The following ARHGAP39 variants were observed in gnomAD, a reference collection of about 807,000 sequenced individuals.
ARHGAP39 encodes Rho GTPase activating protein 39.
Under a neutral mutation model 106.9 loss-of-function variants are expected in ARHGAP39, and 44 were observed. The observed-to-expected ratio is 0.41, with a 90% confidence interval of 0.32 to 0.53. The LOEUF is 0.53. Ranked by LOEUF, ARHGAP39 falls within the 20% of genes least tolerant of loss-of-function variation. The probability of loss-of-function intolerance (pLI) is 0.21; values close to 1 mark genes in which losing one functional copy is unlikely to be tolerated. For synonymous variants in ARHGAP39, 768 were observed against 693.2 expected, an observed-to-expected ratio of 1.11 and a Z score of -1.69; for missense variants, 1,496 against 1,577.3, an observed-to-expected ratio of 0.95 and a Z score of 0.87.
Position 144,547,016 on chromosome 8 carries a change from G to T in ARHGAP39, c.1959+111C>A. On this transcript the variant is annotated intron_variant, in intron 5 of 11. Transcript: ENST00000377307. The surrounding 1 kb of genome is among the most constrained non-coding windows in gnomAD (Gnocchi z 5.2). ...GAGACACGGGGCTTCAGAACTCTGC[G>T]TGCTGCGTGCACGCCCTGGACGCCA... 7.6e-7 allele frequency: 1 copy of T among 1,320,892 alleles called. No homozygotes were observed. Among genetic ancestry groups the T allele is most frequent in the Non-Finnish European group, 1.0e-6 (1 of 993,420 alleles). The allele number at this position is 1,320,892 out of a possible 1,614,324, so 81.8% of individuals were successfully genotyped here.
intron 7 of ARHGAP39, 138 bp from the exon 8 acceptor site, chr8:144,534,340 G>A (rs971884395): frequency 3.5e-6 from 3 of 858,974 alleles, no homozygotes; most frequent in Non-Finnish European, 5.6e-6. Flanking sequence ...GCCCAGCACA[G>A]CGGGTCCTCA....
intron 7 of ARHGAP39, among the ~76,000 whole-genome samples, chr8:144,537,016 G>A (rs1399400707): frequency 1.3e-5 from 2 of 152,202 alleles, no homozygotes; most frequent in African/African-American, 2.4e-5. Flanking sequence ...TGCAGGGGTC[G>A]GGAGGACGGC....
At chr8:144,606,999 A>C (rs1820315501) in intron 1 of ARHGAP39, among the ~76,000 whole-genome samples, 1 of 147,512 alleles carries the variant, frequency 6.8e-6, no homozygotes, top group African/African-American at 2.5e-5. Flanking sequence ...CTATTAAGCA[A>C]AAAAAAAAAA....
intron 5 of ARHGAP39, among the ~76,000 whole-genome samples, chr8:144,546,869 C>T (rs1817446778): frequency 6.6e-6 from 1 of 152,202 alleles, no homozygotes; most frequent in South Asian, 2.1e-4. Flanking sequence ...GCCTCCAGCT[C>T]CCAGGTGCCC....
chr8:144,623,624 C>T (rs1356893099), intron 1 of ARHGAP39, among the ~76,000 whole-genome samples: 2 of 152,240 alleles, frequency 1.3e-5, no homozygotes, highest in East Asian at 1.9e-4. Flanking sequence ...TCTGCAGCGA[C>T]AGAGGAGATG....
intron 1 of ARHGAP39, among the ~76,000 whole-genome samples, chr8:144,658,932 A>C (rs1821760107): frequency 6.6e-6 from 1 of 152,170 alleles, no homozygotes; most frequent in African/African-American, 2.4e-5. Context: ...ACATGCACTG[A>C]GTAGTACAAA....
intron 1 of ARHGAP39, among the ~76,000 whole-genome samples, chr8:144,648,448 C>G (rs959888639): frequency 2.0e-5 from 3 of 152,246 alleles, no homozygotes; most frequent in Admixed American, 2.0e-4. Context: ...GCAGCACTCA[C>G]AGACCCTCAC....
chr8:144,603,472 C>T (rs1221727336), intron 2 of ARHGAP39, among the ~76,000 whole-genome samples: 2 of 152,146 alleles, frequency 1.3e-5, no homozygotes, highest in Admixed American at 6.5e-5. Context: ...GGGCAGATCA[C>T]GAGGTCAGGA....
At chr8:144,675,841 T>A (rs1262139430) in intron 1 of ARHGAP39, among the ~76,000 whole-genome samples, 1 of 151,770 alleles carries the variant, frequency 6.6e-6, no homozygotes, top group East Asian at 1.9e-4. Flanking sequence ...GCAGTGCATC[T>A]GGAGTTGTTC....
chr8:144,552,317 T>TGCTGCTGTCGCTCCTGAGAAGCG (rs1489793239), intron 4 of ARHGAP39, among the ~76,000 whole-genome samples: 2 of 152,256 alleles, frequency 1.3e-5, no homozygotes, highest in African/African-American at 4.8e-5. Flanking sequence ...AGCGCGTCCC[T>TGCTGCTGTCGCTCCTGAGAAGCG]GCTGCTGTCG....
At chr8:144,674,982 TGAGTCCCCGAGA>T (rs1241538847) in intron 1 of ARHGAP39, among the ~76,000 whole-genome samples, 1 of 152,140 alleles carries the variant, frequency 6.6e-6, no homozygotes, top group Non-Finnish European at 1.5e-5. Flanking sequence ...GGGGGCTTCC[TGAGTCCCCGAGA>T]GAGCAGGGAT....
intron 3 of ARHGAP39, among the ~76,000 whole-genome samples, chr8:144,562,282 TCG>T (rs2130870278): frequency 1.3e-5 from 2 of 150,650 alleles, no homozygotes; most frequent in East Asian, 2.0e-4. Flanking sequence ...GTGGTTTCCA[TCG>T]TGCTCCAGTG....
intron 1 of ARHGAP39, among the ~76,000 whole-genome samples, chr8:144,667,049 G>C (rs551645664): frequency 1.3e-5 from 2 of 152,108 alleles, no homozygotes; most frequent in Admixed American, 6.5e-5. Flanking sequence ...AAACCATTTC[G>C]AACCAATCAA....
rs553487160 is a variant in ARHGAP39 at position 144,604,222 on chromosome 8, G to A, written c.80+1313C>T. Among the ~76,000 whole-genome samples, 5 of 152,272 alleles carry A rather than the reference G, an allele frequency of 3.3e-5. No homozygotes were observed. The highest frequency in any genetic ancestry group is 7.2e-5 in the African/African-American group (3 of 41,546). The stretch of plus-strand genomic sequence containing the variant: ...GCAGCAGCTGCACCTCGGGGGGTGC[G>A]GGCGAGGCCTCTGTCGGGGTCAGAG... On this transcript the variant is annotated intron_variant, in intron 2 of 11. Coordinates refer to ENST00000377307, the MANE Select transcript of ARHGAP39 (RefSeq NM_025251.3). The surrounding 1 kb of genome is among the most constrained non-coding windows in gnomAD (Gnocchi z 4.1).
intron 1 of ARHGAP39, among the ~76,000 whole-genome samples, chr8:144,628,367 CAGG>C (rs993504710): frequency 2.3e-4 from 35 of 152,042 alleles, no homozygotes; most frequent in Admixed American, 7.9e-4. Flanking sequence ...GAAAAATAGC[CAGG>C]AGAACACACA....
At chr8:144,622,390 A>G (rs1820829387) in intron 1 of ARHGAP39, among the ~76,000 whole-genome samples, 1 of 151,994 alleles carries the variant, frequency 6.6e-6, no homozygotes, top group Non-Finnish European at 1.5e-5. Context: ...TCCTTCTGTG[A>G]AGCCTCCAGC....
chr8:144,605,402 G>A (rs1820246480), intron 2 of ARHGAP39, 133 bp downstream of exon 2: 1 of 946,582 alleles, frequency 1.1e-6, no homozygotes, highest in South Asian at 1.6e-5. Flanking sequence ...GGCCATCCAG[G>A]CCTTGGGAAC....
chr8:144,599,421 T>C (rs1055072212), intron 2 of ARHGAP39, among the ~76,000 whole-genome samples: 1 of 152,166 alleles, frequency 6.6e-6, no homozygotes, highest in East Asian at 1.9e-4. Flanking sequence ...ATGATACCAT[T>C]AGTGTAAGAA....
At chr8:144,579,792 C>A (rs1054429484) in intron 3 of ARHGAP39, among the ~76,000 whole-genome samples, 4 of 152,138 alleles carry the variant, frequency 2.6e-5, no homozygotes, top group African/African-American at 9.7e-5. Flanking sequence ...GGCCTCAGCT[C>A]CCCTGGCAAC....
Sources: allele counts gnomAD v4.1 joint callset (sites outside exome capture counted in the v4.1 genomes callset), GRCh38; gene constraint gnomAD v4.1.1; non-coding constraint Gnocchi (gnomAD v3.1); transcripts MANE v1.5; gene names NCBI Gene and HGNC (gene_info 2026-07-23, HGNC 2026-07-21).